CPED1: variants seen among roughly 807,000 people sequenced by gnomAD.
The protein encoded by CPED1 is cadherin-like and PC-esterase domain-containing protein 1.
A neutral mutation model predicts 128.2 loss-of-function variants in CPED1; 114 were observed. That is an observed-to-expected ratio of 0.89 (90% CI 0.76 to 1.04). CPED1 has a LOEUF of 1.04. CPED1 is among the 50% of genes least tolerant of loss of function. The pLI is 0.00. For synonymous variants in CPED1, 462 were observed against 426.7 expected (o/e 1.08, Z -1.02); for missense variants, 1,211 against 1,207.1 (o/e 1.00, Z -0.05).
chr7:121,228,504 G>A (rs977914366), intron 16 of CPED1, among the ~76,000 whole-genome samples: 2 of 150,272 alleles, frequency 1.3e-5, no homozygotes. Flanking sequence ...TGGCAAGGAT[G>A]TGAAGAAAAG....
At chr7:121,063,919 T>G (rs1019620774) in intron 4 of CPED1, among the ~76,000 whole-genome samples, 2 of 152,178 alleles carry the variant, frequency 1.3e-5, no homozygotes, top group African/African-American at 4.8e-5. Flanking sequence ...TATCAAGTTA[T>G]TTATGTTACT....
intron 14 of CPED1, among the ~76,000 whole-genome samples, chr7:121,137,138 A>G (rs1307389451): frequency 6.6e-6 from 1 of 151,610 alleles, no homozygotes; most frequent in African/African-American, 2.4e-5. Flanking sequence ...AGTAAAGCTG[A>G]AAAAAAGTAT....
At chr7:121,229,792 T>C (rs1000496555) in intron 16 of CPED1, among the ~76,000 whole-genome samples, 18 of 152,154 alleles carry the variant, frequency 1.2e-4, no homozygotes, top group African/African-American at 3.9e-4. Context: ...TATTCTAAAA[T>C]GTTTGTTTTT....
chr7:121,158,375 C>G (rs1796339237), intron 16 of CPED1, among the ~76,000 whole-genome samples: 2 of 152,202 alleles, frequency 1.3e-5, no homozygotes, highest in African/African-American at 4.8e-5. Context: ...TAACCCCAGT[C>G]TGGCATTCAG....
chr7:121,150,242 A>C, intron 16 of CPED1, among the ~76,000 whole-genome samples: 1 of 150,744 alleles, frequency 6.6e-6, no homozygotes, highest in East Asian at 1.9e-4. Flanking sequence ...TATCATTGCC[A>C]TCTTCATGTC....
At chr7:121,013,031 C>A (rs1214108425) in intron 2 of CPED1, among the ~76,000 whole-genome samples, 1 of 152,122 alleles carries the variant, frequency 6.6e-6, no homozygotes, top group Non-Finnish European at 1.5e-5. Context: ...AGAGGAGCAT[C>A]CTGTGATTAC....
Position 121,075,266 on chromosome 7 carries a change from C to CTTAAA in CPED1, c.616+10953_616+10954insTTAAA, listed in dbSNP as rs1794095342. Among the ~76,000 whole-genome samples, 6 of 152,216 alleles carry CTTAAA rather than the reference C, an allele frequency of 3.9e-5. No homozygotes were observed. The South Asian group carries it at 1.2e-3, about 32-fold the overall frequency. On this transcript the variant is annotated intron_variant, in intron 5 of 22. Transcript: ENST00000310396. ...AAATTGCTCAGGAGAAAATGATTAG[C>CTTAAA]ATCACAAGTCATTTTAAGCAAACAC...
intron 7 of CPED1, among the ~76,000 whole-genome samples, chr7:121,122,916 A>G (rs1038895182): frequency 6.6e-6 from 1 of 152,176 alleles, no homozygotes; most frequent in African/African-American, 2.4e-5. Context: ...ACTTTCATAT[A>G]TTATTAACCT....
intron 5 of CPED1, among the ~76,000 whole-genome samples, chr7:121,097,367 C>G (rs1794724381): frequency 6.6e-6 from 1 of 152,126 alleles, no homozygotes. Context: ...CCACCACCCC[C>G]TCATTGAGAA....
chr7:121,091,062 G>T (rs1794561596), intron 5 of CPED1, among the ~76,000 whole-genome samples: 1 of 152,090 alleles, frequency 6.6e-6, no homozygotes, highest in African/African-American at 2.4e-5. Context: ...TTTTGTCTAG[G>T]TGTCATAAAT....
chr7:121,056,459 G>A (rs1251502933), intron 4 of CPED1, among the ~76,000 whole-genome samples: 2 of 152,170 alleles, frequency 1.3e-5, no homozygotes, highest in Non-Finnish European at 2.9e-5. Flanking sequence ...AAGTATGCTA[G>A]TTGTGAATCA....
At chr7:121,172,224 C>G (rs149389463) in intron 16 of CPED1, among the ~76,000 whole-genome samples, 1 of 152,202 alleles carries the variant, frequency 6.6e-6, no homozygotes, top group African/African-American at 2.4e-5. Context: ...TATCTTATAG[C>G]TTGAATGCTT....
Position 121,064,268 on chromosome 7 carries a change from C to T in CPED1, c.571C>T (p.Leu191Phe). The change falls in exon 5 of 23, where the codon CTT (leucine) becomes TTT (phenylalanine). Residue 191 changes from leucine (L) to phenylalanine (F), a missense_variant. Physicochemically the swap from Leu to Phe is conservative, Grantham distance 22. Coordinates refer to ENST00000310396, the MANE Select transcript of CPED1 (RefSeq NM_024913.5). Reference sequence around the variant, plus strand: ...CAGATTACCAGAAATACAGCAGCCACTTTGCAGAAAGGAAGGATTATGTCA... The same window carrying T: ...CAGATTACCAGAAATACAGCAGCCATTTTGCAGAAAGGAAGGATTATGTCA... ...ANRLPEIQQP[L>F]CRKEGLCQIV... 6.2e-7 allele frequency: 1 copy of T among 1,612,466 alleles called. No homozygotes were observed. Among genetic ancestry groups the T allele is most frequent in the Non-Finnish European group, 8.5e-7 (1 of 1,178,474 alleles).
At chr7:121,019,850 C>G (rs1341778396) in intron 3 of CPED1, among the ~76,000 whole-genome samples, 1 of 151,938 alleles carries the variant, frequency 6.6e-6, no homozygotes, top group Non-Finnish European at 1.5e-5. Flanking sequence ...AAGATAGAAG[C>G]ACCATTCAAT....
At chr7:121,241,365 AAAAAAAAAAAAAAAAAAAAAG>A (rs1798389568) in intron 17 of CPED1, among the ~76,000 whole-genome samples, 2 of 140,778 alleles carry the variant, frequency 1.4e-5, no homozygotes, top group East Asian at 2.1e-4. Flanking sequence ...AAAAAAAAAA[AAAAAAAAAAAAAAAAAAAAAG>A]AAATTATAAA....
At chr7:121,274,088 ACTTTT>A (rs1792287596) in intron 22 of CPED1, among the ~76,000 whole-genome samples, 1 of 152,126 alleles carries the variant, frequency 6.6e-6, no homozygotes, top group Non-Finnish European at 1.5e-5. Flanking sequence ...AAAGGTGTCT[ACTTTT>A]CTTTTTTTAG....
chr7:121,293,605 T>A (rs547371859), intron 22 of CPED1, among the ~76,000 whole-genome samples: 1 of 152,072 alleles, frequency 6.6e-6, no homozygotes, highest in Non-Finnish European at 1.5e-5. Flanking sequence ...GGCTGCCCCA[T>A]TTTGTGCTTG....
intron 18 of CPED1, among the ~76,000 whole-genome samples, chr7:121,259,476 GT>G (rs1411890959): frequency 6.6e-6 from 1 of 151,760 alleles, no homozygotes; most frequent in Non-Finnish European, 1.5e-5. Flanking sequence ...ATGTACATAG[GT>G]TTTGTGATAT....
At chr7:121,084,428 G>A (rs908642398) in intron 5 of CPED1, among the ~76,000 whole-genome samples, 29 of 152,140 alleles carry the variant, frequency 1.9e-4, no homozygotes, top group African/African-American at 6.5e-4. Flanking sequence ...TAATGAAATA[G>A]TCAGATGCTT....
Sources: gnomAD v4.1 joint callset for allele counts (sites outside exome capture counted in the v4.1 genomes callset) on GRCh38, gnomAD v4.1.1 for gene constraint, MANE v1.5 for transcripts, NCBI Gene and HGNC (gene_info 2026-07-23, HGNC 2026-07-21) for gene names.